The following LHFPL3 variants were observed in gnomAD, a reference collection of about 807,000 sequenced individuals.
The protein encoded by LHFPL3 is LHFPL tetraspan subfamily member 3 protein.
LHFPL3 carries 5 observed loss-of-function variants against 19.3 expected under a neutral mutation model. The observed-to-expected ratio is 0.26, with a 90% confidence interval of 0.14 to 0.54. LHFPL3 has a LOEUF of 0.54. Among genes scored for constraint, LHFPL3 ranks in the 20% least tolerant of loss-of-function variants. The pLI is 0.94. For synonymous variants in LHFPL3, 133 were observed against 126.2 expected (o/e 1.05, Z -0.36); for missense variants, 249 against 307.4 (o/e 0.81, Z 1.42).
At chr7:104,419,893 C>T (rs1234442171) in intron 1 of LHFPL3, among the ~76,000 whole-genome samples, 1 of 152,130 alleles carries the variant, frequency 6.6e-6, no homozygotes, top group East Asian at 1.9e-4. Flanking sequence ...ACTTTGGGCA[C>T]CCAGAAGTAT....
At position 104,510,675 on chromosome 7, in the gene LHFPL3, CACTG is replaced by C. The variant is rs569234675; in HGVS notation, c.445+181454_445+181457del. Reference sequence around the variant, plus strand: ...AAAAAACACAGTGCATAAAATGAAACACTGACAAGTTGAATTTCATCAAAATTTA... The same window carrying C: ...AAAAAACACAGTGCATAAAATGAAACACAAGTTGAATTTCATCAAAATTTA... On this transcript the variant is annotated intron_variant, in intron 1 of 2. Coordinates refer to ENST00000424859, the MANE Select transcript of LHFPL3 (RefSeq NM_199000.3). Among the ~76,000 whole-genome samples, 65 of 152,228 alleles carry C rather than the reference CACTG, an allele frequency of 4.3e-4. 1 individual carries two copies. Among genetic ancestry groups the C allele is most frequent in the Non-Finnish European group, 2.9e-5 (2 of 67,972 alleles).
At chr7:104,415,933 A>C (rs1791612665) in intron 1 of LHFPL3, among the ~76,000 whole-genome samples, 1 of 152,172 alleles carries the variant, frequency 6.6e-6, no homozygotes, top group Admixed American at 6.5e-5. Flanking sequence ...TGCAGCTTGC[A>C]CTGGACTGGC....
intron 2 of LHFPL3, among the ~76,000 whole-genome samples, chr7:104,812,796 T>C (rs1584548460): frequency 1.6e-5 from 1 of 64,410 alleles, no homozygotes; most frequent in African/African-American, 6.5e-5. Flanking sequence ...AGAGCAAGAC[T>C]CCATCTCAAA....
chr7:104,376,841 T>C (rs1790725017), intron 1 of LHFPL3, among the ~76,000 whole-genome samples: 1 of 151,738 alleles, frequency 6.6e-6, no homozygotes, highest in Non-Finnish European at 1.5e-5. Flanking sequence ...CCAAATTGAC[T>C]TTTTTTTCTG....
At chr7:104,490,964 T>A (rs1019395603) in intron 1 of LHFPL3, among the ~76,000 whole-genome samples, 3 of 152,098 alleles carry the variant, frequency 2.0e-5, no homozygotes, top group African/African-American at 7.2e-5. Flanking sequence ...TAGGTGTGGG[T>A]GAGCCCTCCA....
At chr7:104,669,697 C>A in intron 1 of LHFPL3, 1 of 1,164,700 alleles carries the variant, frequency 8.6e-7, no homozygotes. Flanking sequence ...ACCTTTCTTA[C>A]CTTTTTTTTA....
At chr7:104,774,204 G>A (rs777155095) in intron 2 of LHFPL3, among the ~76,000 whole-genome samples, 2 of 152,176 alleles carry the variant, frequency 1.3e-5, no homozygotes, top group Non-Finnish European at 2.9e-5. Context: ...GGAAGAAAGT[G>A]GCTCTTTCTC....
chr7:104,452,038 A>G (rs567760155), intron 1 of LHFPL3, among the ~76,000 whole-genome samples: 2 of 152,226 alleles, frequency 1.3e-5, no homozygotes, highest in Non-Finnish European at 2.9e-5. Context: ...GGGCCACCGC[A>G]CCCAGCCTAA....
At chr7:104,631,170 T>A (rs1791631897) in intron 1 of LHFPL3, among the ~76,000 whole-genome samples, 1 of 152,170 alleles carries the variant, frequency 6.6e-6, no homozygotes, top group Admixed American at 6.6e-5. Context: ...ACAAAGCATT[T>A]AAAATGCCCA....
chr7:104,645,105 G>T (rs922573770), intron 1 of LHFPL3, among the ~76,000 whole-genome samples: 2 of 152,084 alleles, frequency 1.3e-5, no homozygotes, highest in East Asian at 3.8e-4. Context: ...TCTTCATATC[G>T]CTTTGCCTGT....
chr7:104,603,051 TTTTTCTTTCTTTC>T (rs1790999937), intron 1 of LHFPL3, among the ~76,000 whole-genome samples: 1 of 151,316 alleles, frequency 6.6e-6, no homozygotes, highest in Non-Finnish European at 1.5e-5. Flanking sequence ...AGTTTTCTTT[TTTTTCTTTCTTTC>T]TTTTTCTTTC....
rs959016994 is a variant in LHFPL3, at chr7:104,521,171, G to A, written c.445+191947G>A. ...TGTCTTTGTTCTCGTTGGTTTCAAAGAACATCTTTATTTCTGCCTTCATTT... is the reference window on the plus strand; with the variant it reads ...TGTCTTTGTTCTCGTTGGTTTCAAAAAACATCTTTATTTCTGCCTTCATTT... On this transcript the variant is annotated intron_variant, in intron 1 of 2. Coordinates refer to ENST00000424859, the MANE Select transcript of LHFPL3 (RefSeq NM_199000.3). Among the ~76,000 whole-genome samples the A allele has an allele frequency of 3.1e-4, 47 of 152,176 alleles. 1 individual carries two copies. The highest frequency in any genetic ancestry group is 1.2e-3 in the South Asian group (6 of 4,806).
rs1432641500 is a variant in LHFPL3 at position 104,696,124 on chromosome 7, TG to T, written c.446-40550del. On this transcript the variant is annotated intron_variant, in intron 1 of 2. Transcript: ENST00000424859. ...CACCACCACGCCCGGCTAATTTTTG[TG>T]TTTTTTAGTAGAGACAGGGTTTCAC... Among the ~76,000 whole-genome samples, 3 of 152,070 alleles carry T rather than the reference TG, an allele frequency of 2.0e-5. No homozygotes were observed. In the East Asian group the frequency reaches 5.8e-4, roughly 29 times the overall value.
At chr7:104,824,939 T>TAA (rs2116539639) in intron 2 of LHFPL3, among the ~76,000 whole-genome samples, 1 of 142,160 alleles carries the variant, frequency 7.0e-6, no homozygotes, top group African/African-American at 2.6e-5. Flanking sequence ...ACTATATATA[T>TAA]AATGTGTTTA....
At chr7:104,652,781 C>T (rs913366932) in intron 1 of LHFPL3, among the ~76,000 whole-genome samples, 3 of 152,166 alleles carry the variant, frequency 2.0e-5, no homozygotes, top group Admixed American at 2.0e-4. Flanking sequence ...TCGGTAACTA[C>T]TATAGTAGGG....
At chr7:104,729,323 G>A (rs1233001897) in intron 1 of LHFPL3, among the ~76,000 whole-genome samples, 1 of 152,102 alleles carries the variant, frequency 6.6e-6, no homozygotes, top group Non-Finnish European at 1.5e-5. Flanking sequence ...AAACAGAATA[G>A]TATATCCATC....
chr7:104,718,775 C>G (rs1318469473), intron 1 of LHFPL3, among the ~76,000 whole-genome samples: 1 of 152,140 alleles, frequency 6.6e-6, no homozygotes, highest in Non-Finnish European at 1.5e-5. Flanking sequence ...TAGGTAACCA[C>G]TCAATAATCT....
chr7:104,583,665 C>T (rs975959498), intron 1 of LHFPL3, among the ~76,000 whole-genome samples: 1 of 152,152 alleles, frequency 6.6e-6, no homozygotes, highest in Non-Finnish European at 1.5e-5. Flanking sequence ...ACAGACACCT[C>T]TCAGAAGAAG....
Position 104,614,935 on chromosome 7 carries a change from A to C in LHFPL3, c.446-121740A>C, listed in dbSNP as rs542199193. ...TTGGCTAATTTTTAAAAATTTTTTCATAGAGATAGAGGTCTCACTGTGTTG... is the reference window on the plus strand; with the variant it reads ...TTGGCTAATTTTTAAAAATTTTTTCCTAGAGATAGAGGTCTCACTGTGTTG... On this transcript the variant is annotated intron_variant, in intron 1 of 2. Coordinates refer to ENST00000424859, the MANE Select transcript of LHFPL3 (RefSeq NM_199000.3). Among the ~76,000 whole-genome samples, 5 of 151,688 alleles carry C rather than the reference A, an allele frequency of 3.3e-5. No individual in the cohort carries two copies. In the East Asian group the frequency reaches 9.7e-4, roughly 30 times the overall value.
Sources: allele counts gnomAD v4.1 joint callset (sites outside exome capture counted in the v4.1 genomes callset), GRCh38; gene constraint gnomAD v4.1.1; transcripts MANE v1.5; gene names NCBI Gene and HGNC (gene_info 2026-07-23, HGNC 2026-07-21).